The following TMEM87B variants were observed in gnomAD, a reference collection of about 807,000 sequenced individuals.
TMEM87B encodes the protein transmembrane protein 87B.
In TMEM87B, 83 loss-of-function variants were observed where a neutral mutation model predicts 80.3. The observed-to-expected ratio is 1.03, with a 90% CI of 0.87 to 1.24. The LOEUF (loss-of-function observed/expected upper bound fraction) is 1.24. Ranked by LOEUF, TMEM87B falls within the 50% of genes most tolerant of loss-of-function variation. TMEM87B has a pLI of 0.00. For missense variants in TMEM87B, 625 were observed against 674.4 expected (o/e 0.93, Z 0.81); for synonymous variants, 219 against 230.5 (o/e 0.95, Z 0.45).
rs758869503 is a variant in TMEM87B, at chr2:112,067,074, A to G, written c.450+7A>G. ...GGTGTTTCCCTCTTTGAATGTGAGTATCTGACTTGCCATGTTAAAGTTTAT... is the reference window on the plus strand; with the variant it reads ...GGTGTTTCCCTCTTTGAATGTGAGTGTCTGACTTGCCATGTTAAAGTTTAT... On this transcript the variant is annotated splice_region_variant and intron_variant, in intron 4 of 18. Transcript: ENST00000283206. 1.9e-6 allele frequency: 3 copies of G among 1,608,150 alleles called. No individual in the cohort carries two copies. Among genetic ancestry groups the G allele is most frequent in the African/African-American group, 1.3e-5 (1 of 74,764 alleles).
chr2:112,062,448 CAA>C (rs1488041080), intron 2 of TMEM87B, among the ~76,000 whole-genome samples: 2 of 152,134 alleles, frequency 1.3e-5, no homozygotes, highest in Non-Finnish European at 2.9e-5. Context: ...GATAGAAACT[CAA>C]AGAAAGTTAG....
intron 11 of TMEM87B, among the ~76,000 whole-genome samples, chr2:112,093,983 C>T (rs1679379278): frequency 6.6e-6 from 1 of 152,158 alleles, no homozygotes; most frequent in African/African-American, 2.4e-5. Context: ...AGAAAATGAG[C>T]TGATTATATC....
intron 18 of TMEM87B, among the ~76,000 whole-genome samples, chr2:112,113,679 A>G (rs1466010778): frequency 6.7e-6 from 1 of 148,440 alleles, no homozygotes; most frequent in East Asian, 2.0e-4. Flanking sequence ...AAGATGTAGC[A>G]TTACAGAAAG....
intron 8 of TMEM87B, 77 bp downstream of exon 8, chr2:112,081,595 C>A: frequency 1.5e-6 from 2 of 1,330,830 alleles, no homozygotes; most frequent in Non-Finnish European, 1.0e-6. Context: ...AGTGGGAGGC[C>A]CCCTTCTGAA....
rs1440904734 is a variant in TMEM87B, at chr2:112,071,327, C to T, written c.451-3585C>T. 4.9e-5 allele frequency among the ~76,000 whole-genome samples: 7 copies of T among 143,338 alleles called. No individual in the cohort carries two copies. In the East Asian group the frequency reaches 1.3e-3, roughly 26 times the overall value. The allele number at this position is 143,338 out of a possible 152,430, so 94.0% of individuals were successfully genotyped here. On this transcript the variant is annotated intron_variant, in intron 4 of 18. Coordinates refer to ENST00000283206, the MANE Select transcript of TMEM87B (RefSeq NM_032824.3). ...CCCCGCCCCCCCGCCGCCGCCACCACTGCCCACTCTGTCATCCAGGCTGGA... is the reference window on the plus strand; with the variant it reads ...CCCCGCCCCCCCGCCGCCGCCACCATTGCCCACTCTGTCATCCAGGCTGGA...
At chr2:112,095,206 T>TGA in intron 11 of TMEM87B, 1 of 763,938 alleles carries the variant, frequency 1.3e-6, no homozygotes, top group Non-Finnish European at 1.5e-6. Flanking sequence ...TTTTTTTTTT[T>TGA]TTTTTTGCTG....
At chr2:112,055,826 A>C in intron 1 of TMEM87B, 70 bp downstream of exon 1, 9 of 1,418,142 alleles carry the variant, frequency 6.3e-6, no homozygotes, top group South Asian at 4.7e-5. Context: ...GCTTCGCTTG[A>C]CCCCGGGCTT....
intron 11 of TMEM87B, among the ~76,000 whole-genome samples, chr2:112,094,688 T>C (rs1023430459): frequency 2.6e-5 from 4 of 152,178 alleles, no homozygotes; most frequent in Non-Finnish European, 4.4e-5. Flanking sequence ...AGACTTAGTT[T>C]GCTTAATTAT....
chr2:112,097,114 A>G lies in TMEM87B; in HGVS notation c.1175A>G (p.Tyr392Cys), dbSNP rs893703147. The change falls in exon 12 of 19, where the codon TAT becomes TGT. Residue 392 changes from tyrosine (Y) to cysteine (C), a missense_variant. Tyr to Cys is a radical substitution (Grantham distance 194). Transcript: ENST00000283206. The part of the protein sequence containing the change: ...LRKNTVKFSL[Y>C]RHFKNTLIFA... ...AAGAACACTGTGAAATTTTCATTAT[A>G]TAGACATTTTAAAAATACTCTGATC... The G allele has an allele frequency of 6.2e-6, 10 of 1,609,740 alleles. No homozygotes were observed. The highest frequency in any genetic ancestry group is 2.2e-5 in the East Asian group (1 of 44,724).
At chr2:112,089,262 T>C (rs1041079093) in intron 9 of TMEM87B, among the ~76,000 whole-genome samples, 3 of 152,234 alleles carry the variant, frequency 2.0e-5, no homozygotes, top group Non-Finnish European at 2.9e-5. Context: ...GTTAGACTTC[T>C]CAGTGGCACT....
At chr2:112,101,230 C>G (rs1679622214) in intron 15 of TMEM87B, among the ~76,000 whole-genome samples, 1 of 152,126 alleles carries the variant, frequency 6.6e-6, no homozygotes, top group Non-Finnish European at 1.5e-5. Context: ...ATCTTTGTTT[C>G]ATTTTTTTGT....
chr2:112,082,163 AAG>A (rs1255586786), intron 8 of TMEM87B, among the ~76,000 whole-genome samples: 1 of 152,228 alleles, frequency 6.6e-6, no homozygotes, highest in Non-Finnish European at 1.5e-5. Flanking sequence ...AAGCTTTGGA[AAG>A]AGAGAGCTCA....
At chr2:112,085,669 A>T (rs919192019) in intron 8 of TMEM87B, among the ~76,000 whole-genome samples, 1 of 152,224 alleles carries the variant, frequency 6.6e-6, no homozygotes, top group Non-Finnish European at 1.5e-5. Context: ...AGAACTCTAG[A>T]GGATGTTGTG....
intron 18 of TMEM87B, among the ~76,000 whole-genome samples, chr2:112,115,849 C>T (rs1444847130): frequency 3.9e-5 from 6 of 152,132 alleles, no homozygotes; most frequent in South Asian, 4.2e-4. Flanking sequence ...TTGCCCAGGC[C>T]GGTCTCGAAC....
At chr2:112,106,709 A>G (rs1679777864) in intron 16 of TMEM87B, among the ~76,000 whole-genome samples, 1 of 152,248 alleles carries the variant, frequency 6.6e-6, no homozygotes, top group Admixed American at 6.5e-5. Context: ...TGTCTATCAT[A>G]TAGTTTTATA....
At chr2:112,067,210 A>C in intron 4 of TMEM87B, 143 bp downstream of exon 4, 1 of 1,129,846 alleles carries the variant, frequency 8.9e-7, no homozygotes, top group Non-Finnish European at 1.3e-6. Context: ...TTCCCACTGA[A>C]TACAAGTATC....
At chr2:112,065,231 C>A (rs1452643887) in intron 3 of TMEM87B, among the ~76,000 whole-genome samples, 9 of 152,130 alleles carry the variant, frequency 5.9e-5, no homozygotes, top group Admixed American at 5.2e-4. Context: ...TATTTTACAC[C>A]TTCACACTAA....
At chr2:112,075,008 G>C in intron 5 of TMEM87B, 46 bp downstream of exon 5, 1 of 1,559,266 alleles carries the variant, frequency 6.4e-7, no homozygotes, top group Non-Finnish European at 8.7e-7. Context: ...ACAAGTTAAC[G>C]TAAGACTGAA....
At chr2:112,072,800 C>A (rs1014732890) in intron 4 of TMEM87B, among the ~76,000 whole-genome samples, 4 of 150,762 alleles carry the variant, frequency 2.7e-5, no homozygotes, top group African/African-American at 9.8e-5. Context: ...TTCTTGTCTT[C>A]TGCCAGCTTT....
Sources: gnomAD v4.1 joint callset for allele counts (sites outside exome capture counted in the v4.1 genomes callset) on GRCh38, gnomAD v4.1.1 for gene constraint, MANE v1.5 for transcripts, NCBI Gene and HGNC (gene_info 2026-07-23, HGNC 2026-07-21) for gene names.